The following NSL1 variants were observed in gnomAD, a reference collection of about 807,000 sequenced individuals.
NSL1 encodes NSL1 component of MIS12 kinetochore complex, also known as kinetochore-associated protein NSL1 homolog.
Under a neutral mutation model 25.4 loss-of-function variants are expected in NSL1, and 11 were observed. That is an observed-to-expected ratio of 0.43 (90% CI 0.27 to 0.72). The LOEUF is 0.72. Ranked by LOEUF, NSL1 falls within the 30% of genes least tolerant of loss-of-function variation. The probability of loss-of-function intolerance (pLI) is 0.19; values close to 1 mark genes in which losing one functional copy is unlikely to be tolerated. For missense variants in NSL1, 330 were observed against 342.7 expected (o/e 0.96, Z 0.29); for synonymous variants, 118 against 120.6 (o/e 0.98, Z 0.14).
intron 4 of NSL1, among the ~76,000 whole-genome samples, chr1:212,766,633 G>A (rs12137768): frequency 0.18 from 26,536 of 147,106 alleles, 2,680 homozygotes; most frequent in African/African-American, 0.29. Flanking sequence ...GTGACAGAGC[G>A]AGACTCCATC....
Position 212,728,527 on chromosome 1 carries a change from T to G in NSL1, c.*9881A>C, listed in dbSNP as rs6540760. On this transcript the variant is annotated 3_prime_UTR_variant, in exon 6 of 6. Transcript: ENST00000366977. The stretch of plus-strand genomic sequence containing the variant: ...ATAGCTGGAACAAATCTGACATTGT[T>G]GGTTTGTTCAAACAATTTTTTCAAA... 158,708 of 985,244 alleles carry G rather than the reference T, an allele frequency of 0.16. 14,284 individuals carry two copies. Among genetic ancestry groups the G allele is most frequent in the African/African-American group, 0.38 (21,564 of 57,248 alleles). The allele number at this position is 985,244 out of a possible 1,614,324, so 61.0% of individuals were successfully genotyped here.
intron 1 of NSL1, among the ~76,000 whole-genome samples, chr1:212,788,192 T>C (rs531541039): frequency 6.6e-6 from 1 of 152,316 alleles, no homozygotes; most frequent in African/African-American, 2.4e-5. Context: ...GGCAAGAGGA[T>C]TGCTTGAGGC....
At chr1:212,782,873 C>A (rs545020149) in intron 3 of NSL1, among the ~76,000 whole-genome samples, 2 of 152,086 alleles carry the variant, frequency 1.3e-5, no homozygotes, top group East Asian at 1.9e-4. Flanking sequence ...ATATATCCTG[C>A]GACACACTGA....
At chr1:212,769,477 A>C (rs900199352) in intron 4 of NSL1, among the ~76,000 whole-genome samples, 1 of 152,208 alleles carries the variant, frequency 6.6e-6, no homozygotes, top group African/African-American at 2.4e-5. Flanking sequence ...AAGTGCTGAA[A>C]GAAAAAAACC....
chr1:212,764,129 C>T (rs1406790341), intron 4 of NSL1: 3 of 269,292 alleles, frequency 1.1e-5, no homozygotes, highest in Non-Finnish European at 2.3e-5. Context: ...AAAAGGAACT[C>T]TCAAAATTAT....
intron 4 of NSL1, among the ~76,000 whole-genome samples, chr1:212,779,410 G>A (rs540888436): frequency 2.3e-4 from 30 of 128,202 alleles, no homozygotes; most frequent in South Asian, 1.9e-3. Context: ...CCGGCCAGCC[G>A]CCCCGTCCGG....
chr1:212,767,690 C>T (rs1659885599), intron 4 of NSL1, among the ~76,000 whole-genome samples: 2 of 152,116 alleles, frequency 1.3e-5, no homozygotes, highest in South Asian at 4.1e-4. Flanking sequence ...GGACTAATAT[C>T]CAGAATCTAC....
intron 5 of NSL1, 148 bp from the exon 6 acceptor site, chr1:212,738,834 C>T: frequency 1.6e-6 from 1 of 642,588 alleles, no homozygotes; most frequent in Non-Finnish European, 2.6e-6. Context: ...GTGATCTCAG[C>T]TCACTGCAAT....
chr1:212,735,939 G>A lies in NSL1; in HGVS notation c.*2469C>T, dbSNP rs1405107454. 1 of 984,958 alleles carries A rather than the reference G, an allele frequency of 1.0e-6. No homozygotes were observed. The highest frequency in any genetic ancestry group is 1.2e-6 in the Non-Finnish European group (1 of 829,606). The allele number at this position is 984,958 out of a possible 1,614,324, so 61.0% of individuals were successfully genotyped here. ...ACCCAGCCTGTGGTATTCTGTTATAGTAGCCTAAATAAACAAATGTAGATT... is the reference window on the plus strand; with the variant it reads ...ACCCAGCCTGTGGTATTCTGTTATAATAGCCTAAATAAACAAATGTAGATT... On this transcript the variant is annotated 3_prime_UTR_variant, in exon 6 of 6. Coordinates refer to ENST00000366977, the MANE Select transcript of NSL1 (RefSeq NM_015471.4).
rs920508243 is a variant in NSL1 at position 212,733,433 on chromosome 1, C to A, written c.*4975G>T. Among the ~76,000 whole-genome samples the A allele has an allele frequency of 1.9e-3, 257 of 135,790 alleles. No individual in the cohort carries two copies. Among genetic ancestry groups the A allele is most frequent in the Middle Eastern group, 3.8e-3 (1 of 260 alleles). The allele number at this position is 135,790 out of a possible 152,430, so 89.1% of individuals were successfully genotyped here. Reference sequence around the variant, plus strand: ...GGCAACACAGCAAGACCTTGTTTCACAAAAAAAAAAAAAAAAAAATCCCAT... The same window carrying A: ...GGCAACACAGCAAGACCTTGTTTCAAAAAAAAAAAAAAAAAAAAATCCCAT... On this transcript the variant is annotated 3_prime_UTR_variant, in exon 6 of 6. Coordinates refer to ENST00000366977, the MANE Select transcript of NSL1 (RefSeq NM_015471.4).
At position 212,731,016 on chromosome 1, in the gene NSL1, T is replaced by G. The variant is rs1657990764; in HGVS notation, c.*7392A>C. The G allele has an allele frequency of 1.0e-6, 1 of 985,264 alleles. No individual in the cohort carries two copies. The highest frequency in any genetic ancestry group is 1.7e-5 in the African/African-American group (1 of 57,212). 61.0% of individuals were successfully genotyped at this position (985,264 alleles called of 1,614,324 possible). ...GCAATGTAGAGACACAGCAACGAAT[T>G]ACAAGGGATTCTTTACCCCTGAAGC... On this transcript the variant is annotated 3_prime_UTR_variant, in exon 6 of 6. Coordinates refer to ENST00000366977, the MANE Select transcript of NSL1 (RefSeq NM_015471.4).
rs1657924019 is a variant in NSL1 at position 212,729,573 on chromosome 1, C to T, written c.*8835G>A. ...TTTATTATTCTGCCAGTGTCATCCCCTCATTTCTACACTTCCTCAGGATCA... is the reference window on the plus strand; with the variant it reads ...TTTATTATTCTGCCAGTGTCATCCCTTCATTTCTACACTTCCTCAGGATCA... On this transcript the variant is annotated 3_prime_UTR_variant, in exon 6 of 6. Transcript: ENST00000366977. 1.0e-6 allele frequency: 1 copy of T among 985,236 alleles called. No individual in the cohort carries two copies. 61.0% of individuals were successfully genotyped at this position (985,236 alleles called of 1,614,324 possible).
rs1263576787 is a variant in NSL1, at chr1:212,729,973, G to A, written c.*8435C>T. 7 of 984,866 alleles carry A rather than the reference G, an allele frequency of 7.1e-6. No individual in the cohort carries two copies. Among genetic ancestry groups the A allele is most frequent in the Middle Eastern group, 5.2e-4 (1 of 1,912 alleles). 61.0% of individuals were successfully genotyped at this position (984,866 alleles called of 1,614,324 possible). ...TTTTTTTTTAAGAATGAAATGGGCC[G>A]GGCGTGGCGGCTCACTCCTGTAATC... On this transcript the variant is annotated 3_prime_UTR_variant, in exon 6 of 6. Coordinates refer to ENST00000366977, the MANE Select transcript of NSL1 (RefSeq NM_015471.4).
At chr1:212,739,432 G>T in intron 5 of NSL1, 102 bp downstream of exon 5, 2 of 1,023,168 alleles carry the variant, frequency 2.0e-6, no homozygotes, top group Non-Finnish European at 1.4e-6. Context: ...GGACCGCTGA[G>T]AATTCCTGTT....
chr1:212,789,123 C>A (rs1365517713), intron 1 of NSL1, among the ~76,000 whole-genome samples: 2 of 152,130 alleles, frequency 1.3e-5, no homozygotes, highest in Non-Finnish European at 2.9e-5. Context: ...ATAACATAAA[C>A]CAAATTACTG....
At chr1:212,787,948 T>C (rs1661012305) in intron 1 of NSL1, among the ~76,000 whole-genome samples, 1 of 152,198 alleles carries the variant, frequency 6.6e-6, no homozygotes, top group African/African-American at 2.4e-5. Context: ...TTAGGCTCAG[T>C]TGAATCTCAG....
chr1:212,766,149 C>A (rs10863991), intron 4 of NSL1: 146,005 of 403,384 alleles, frequency 0.36, 23,880 homozygotes, highest in Non-Finnish European at 0.41. Context: ...AAAAAAAAAA[C>A]AAAAAAACCC....
chr1:212,735,239 G>A lies in NSL1; in HGVS notation c.*3169C>T, dbSNP rs1658185374. 4 of 855,142 alleles carry A rather than the reference G, an allele frequency of 4.7e-6. No homozygotes were observed. The highest frequency in any genetic ancestry group is 5.6e-6 in the Non-Finnish European group (4 of 711,442). The allele number at this position is 855,142 out of a possible 1,614,324, so 53.0% of individuals were successfully genotyped here. On this transcript the variant is annotated 3_prime_UTR_variant, in exon 6 of 6. Coordinates refer to ENST00000366977, the MANE Select transcript of NSL1 (RefSeq NM_015471.4). ...GTCCAATATCATTGAACTAATAATGGTAGAACTGAAATCTGAACTCAGATG... is the reference window on the plus strand; with the variant it reads ...GTCCAATATCATTGAACTAATAATGATAGAACTGAAATCTGAACTCAGATG...
rs1479143761 is a variant in NSL1, at chr1:212,737,117, A to G, written c.*1291T>C. 6 of 985,334 alleles carry G rather than the reference A, an allele frequency of 6.1e-6. No homozygotes were observed. The highest frequency in any genetic ancestry group is 7.2e-6 in the Non-Finnish European group (6 of 829,926). The allele number at this position is 985,334 out of a possible 1,614,324, so 61.0% of individuals were successfully genotyped here. A position where few individuals can be genotyped will look rare whatever the true frequency, so the allele number is the denominator to read the frequency against. ...CTGACCCACCATCCAACTGAAGCTGAGCTCAGGAATGCCTAAGACAACTCA... is the reference window on the plus strand; with the variant it reads ...CTGACCCACCATCCAACTGAAGCTGGGCTCAGGAATGCCTAAGACAACTCA... On this transcript the variant is annotated 3_prime_UTR_variant, in exon 6 of 6. Transcript: ENST00000366977.
Sources: gnomAD v4.1 joint callset for allele counts (sites outside exome capture counted in the v4.1 genomes callset) on GRCh38, gnomAD v4.1.1 for gene constraint, MANE v1.5 for transcripts, NCBI Gene and HGNC (gene_info 2026-07-23, HGNC 2026-07-21) for gene names.